Variants in ZFHX3 observed in about 807,000 individuals in gnomAD.
ZFHX3 encodes the protein zinc finger homeobox protein 3.
In ZFHX3, 42 loss-of-function variants were observed where a neutral mutation model predicts 279.1. The observed-to-expected ratio is 0.15, with a 90% confidence interval of 0.12 to 0.19. The LOEUF (loss-of-function observed/expected upper bound fraction) is 0.19. Ranked by LOEUF, ZFHX3 falls within the 10% of genes least tolerant of loss-of-function variation. ZFHX3 has a pLI of 1.00. For missense variants in ZFHX3, 4,981 were observed against 4,754.0 expected, an observed-to-expected ratio of 1.05 and a Z score of -1.40; for synonymous variants, 2,293 against 1,957.8, an observed-to-expected ratio of 1.17 and a Z score of -4.52.
At chr16:73,447,354 T>A (rs2018205785) in intron 3 of ZFHX3, among the ~76,000 whole-genome samples, 1 of 151,984 alleles carries the variant, frequency 6.6e-6, no homozygotes, top group African/African-American at 2.4e-5. Flanking sequence ...AGTAGGACAA[T>A]GATTTTGGTG....
intron 5 of ZFHX3, chr16:73,232,390 A>G (rs1319628386): frequency 6.6e-6 from 1 of 152,212 alleles, no homozygotes; most frequent in East Asian, 1.9e-4. Context: ...CTGCGGGGGA[A>G]AAAAATAACA....
chr16:73,233,601 T>C (rs375363368), intron 5 of ZFHX3, among the ~76,000 whole-genome samples: 37 of 152,312 alleles, frequency 2.4e-4, no homozygotes, highest in African/African-American at 8.4e-4. Flanking sequence ...TGGACAGCCA[T>C]GGGGGTGCCA....
chr16:73,711,868 C>G lies in ZFHX3; in HGVS notation c.-1607-31628G>C, dbSNP rs536360299. 7.0e-4 allele frequency among the ~76,000 whole-genome samples: 107 copies of G among 152,320 alleles called. 1 individual carries two copies. In the South Asian group the frequency reaches 0.022, roughly 31 times the overall value. On this transcript the variant is annotated intron_variant, in intron 1 of 17. Transcript: ENST00000641206. ...AGCTCTCTCTCTGGCTGGAAGAGATCTCACAGCAAATCTATAAAGGGGCCC... is the reference window on the plus strand; with the variant it reads ...AGCTCTCTCTCTGGCTGGAAGAGATGTCACAGCAAATCTATAAAGGGGCCC...
In ZFHX3 at chr16:73,428,089, C is replaced by G. The variant is rs932428031; in HGVS notation, c.-1291+27914G>C. On this transcript the variant is annotated intron_variant, in intron 3 of 17. Transcript: ENST00000641206. ...TTGGGAGGTCTACTAAGCCGGGTCC[C>G]TTTGCCAGGAATGAAAGGACAGAAT... 3.0e-4 allele frequency among the ~76,000 whole-genome samples: 46 copies of G among 152,174 alleles called. 1 individual carries two copies. Among genetic ancestry groups the G allele is most frequent in the Non-Finnish European group, 1.2e-4 (8 of 68,026 alleles).
At chr16:73,043,779 A>G (rs1050691208) in intron 1 of ZFHX3, among the ~76,000 whole-genome samples, 1 of 152,206 alleles carries the variant, frequency 6.6e-6, no homozygotes, top group Non-Finnish European at 1.5e-5. Context: ...GTCATTTACC[A>G]TATTAGCCCA....
rs151180502 is a variant in ZFHX3 at position 72,931,796 on chromosome 16, G to C, written c.3216+18673C>G. Among the ~76,000 whole-genome samples the C allele has an allele frequency of 1.6e-4, 25 of 152,248 alleles. No individual in the cohort carries two copies. The East Asian group carries it at 4.6e-3, about 28-fold the overall frequency. On this transcript the variant is annotated intron_variant, in intron 3 of 9. Transcript: ENST00000268489. Reference sequence around the variant, plus strand: ...CCGAGCCACGGACACTGTGGTTTTCGATACAAATGAACTCACTTATGCAAC... The same window carrying C: ...CCGAGCCACGGACACTGTGGTTTTCCATACAAATGAACTCACTTATGCAAC...
rs141272864 is a variant in ZFHX3, at chr16:72,901,537, G to C, written c.3217-11575C>G. 1.8e-3 allele frequency among the ~76,000 whole-genome samples: 268 copies of C among 152,306 alleles called. 2 individuals are homozygous for C. Among genetic ancestry groups the C allele is most frequent in the African/African-American group, 5.8e-3 (243 of 41,564 alleles). On this transcript the variant is annotated intron_variant, in intron 3 of 9. Coordinates refer to ENST00000268489, the MANE Select transcript of ZFHX3 (RefSeq NM_006885.4). ...TTTATTTTATTCTTCTCTTAAAAGA[G>C]AGAATGAGAAAGTGACGGGGCGAGG...
At chr16:72,949,159 C>T (rs56252617) in intron 3 of ZFHX3, among the ~76,000 whole-genome samples, 60,038 of 152,116 alleles carry the variant, frequency 0.39, 12,226 homozygotes, top group Middle Eastern at 0.46. Context: ...CAATTATCAA[C>T]CCCGGCAGAG....
At chr16:73,741,518 T>C (rs2053657494) in intron 1 of ZFHX3, among the ~76,000 whole-genome samples, 1 of 152,070 alleles carries the variant, frequency 6.6e-6, no homozygotes, top group Admixed American at 6.6e-5. Context: ...GAAGAAATTG[T>C]CCGGGTGTTT....
intron 1 of ZFHX3, among the ~76,000 whole-genome samples, chr16:73,800,334 C>G (rs1375685665): frequency 1.3e-5 from 2 of 152,048 alleles, no homozygotes; most frequent in African/African-American, 4.8e-5. Flanking sequence ...TCTCCCGTCT[C>G]AGCCTTTCGA....
chr16:72,807,740 G>A (rs538723874), intron 7 of ZFHX3: 1 of 152,266 alleles, frequency 6.6e-6, no homozygotes, highest in East Asian at 1.9e-4. Context: ...ATTTACAGCT[G>A]TAAATACCCC....
At chr16:72,963,562 A>G (rs966031216) in intron 1 of ZFHX3, among the ~76,000 whole-genome samples, 2 of 152,152 alleles carry the variant, frequency 1.3e-5, no homozygotes, top group Non-Finnish European at 1.5e-5. Context: ...TCATCTTCCA[A>G]GCTCCCTTGG....
chr16:73,663,893 C>G (rs1172757160), intron 2 of ZFHX3, among the ~76,000 whole-genome samples: 1 of 152,210 alleles, frequency 6.6e-6, no homozygotes, highest in Non-Finnish European at 1.5e-5. Context: ...TAACCACCCC[C>G]ACCTCAGTCT....
Position 73,841,093 on chromosome 16 carries a change from G to A in ZFHX3, c.-1608+50558C>T, listed in dbSNP as rs140807909. Among the ~76,000 whole-genome samples the A allele has an allele frequency of 7.0e-4, 106 of 152,280 alleles. 1 individual carries two copies. Among genetic ancestry groups the A allele is most frequent in the African/African-American group, 2.4e-3 (98 of 41,574 alleles). ...AAATCAGTTAAAGGGGAAAATCCAA[G>A]CGGAGAAAAGTCTTCCTTCTCACGA... On this transcript the variant is annotated intron_variant, in intron 1 of 17. Transcript: ENST00000641206.
chr16:73,502,846 T>C (rs2019263469), intron 2 of ZFHX3, among the ~76,000 whole-genome samples: 1 of 152,202 alleles, frequency 6.6e-6, no homozygotes, highest in Non-Finnish European at 1.5e-5. Flanking sequence ...TTCTTCTCAT[T>C]TCCCTGGGTA....
chr16:73,138,249 A>G lies in ZFHX3; in HGVS notation c.-1024+5503T>C, dbSNP rs183759826. The stretch of plus-strand genomic sequence containing the variant: ...TCTGAAGACAAATTAAAACATTGCA[A>G]TGTAATCACCCAGCTCCACTCTCTG... On this transcript the variant is annotated intron_variant, in intron 6 of 17. Coordinates refer to the ZFHX3 transcript ENST00000641206. 3.3e-5 allele frequency among the ~76,000 whole-genome samples: 5 copies of G among 152,302 alleles called. No homozygotes were observed. In the East Asian group the frequency reaches 5.8e-4, roughly 18 times the overall value.
chr16:73,854,727 C>CAAAAAAAAAAA (rs60003447), intron 1 of ZFHX3, among the ~76,000 whole-genome samples: 1 of 59,518 alleles, frequency 1.7e-5, no homozygotes, highest in Non-Finnish European at 3.0e-5. Flanking sequence ...CCACCTTCCA[C>CAAAAAAAAAAA]AAAAAAAAAA....
At chr16:73,553,380 A>AAT (rs1195283590) in intron 2 of ZFHX3, among the ~76,000 whole-genome samples, 16 of 152,170 alleles carry the variant, frequency 1.1e-4, no homozygotes, top group African/African-American at 3.9e-4. Context: ...ATGAGATAAA[A>AAT]ATATACAGAT....
intron 3 of ZFHX3, among the ~76,000 whole-genome samples, chr16:73,353,987 C>G (rs893780031): frequency 6.6e-6 from 1 of 152,106 alleles, no homozygotes; most frequent in Non-Finnish European, 1.5e-5. Flanking sequence ...GTTATTACTA[C>G]AAATCTCACT....
Sources: gnomAD v4.1 joint callset for allele counts (sites outside exome capture counted in the v4.1 genomes callset) on GRCh38, gnomAD v4.1.1 for gene constraint, MANE v1.5 for transcripts, NCBI Gene and HGNC (gene_info 2026-07-23, HGNC 2026-07-21) for gene names.